DERL3: variants seen among roughly 807,000 people sequenced by gnomAD.
The protein encoded by DERL3 is derlin-3.
A neutral mutation model predicts 23.8 loss-of-function variants in DERL3; 20 were observed. That is an observed-to-expected ratio of 0.84 (90% CI 0.59 to 1.22). The LOEUF is 1.22. DERL3 is among the 50% of genes most tolerant of loss of function. The pLI is 0.00. For synonymous variants in DERL3, 145 were observed against 132.5 expected (o/e 1.09, Z -0.65); for missense variants, 319 against 304.1 (o/e 1.05, Z -0.36).
Position 23,836,892 on chromosome 22 carries a change from G to A in DERL3, c.685C>T (p.His229Tyr). Residue 229 changes from histidine to tyrosine, a missense_variant, in exon 7 of 7, where the codon CAT becomes TAT. His to Tyr is a moderately conservative substitution (Grantham distance 83). Coordinates refer to ENST00000318109, the MANE Select transcript of DERL3 (RefSeq NM_001002862.3). ...GGTCACTGCTGCGGGGGTGGCAGAT[G>A]GGGTCCTGGCTGTTCCTCAGGGAGG... ...LPLPEEQPGP[H>Y]LPPPQQ 1 of 1,484,240 alleles carries A rather than the reference G, an allele frequency of 6.7e-7. No individual in the cohort carries two copies. Among genetic ancestry groups the A allele is most frequent in the South Asian group, 1.4e-5 (1 of 71,404 alleles). 91.9% of individuals were successfully genotyped at this position (1,484,240 alleles called of 1,614,324 possible).
intron 4 of DERL3, 148 bp downstream of exon 4, chr22:23,838,204 G>A (rs764205675): frequency 2.6e-6 from 4 of 1,548,360 alleles, no homozygotes; most frequent in East Asian, 4.9e-5. Flanking sequence ...GACCCCTGCA[G>A]CTGAGCACAG....
At position 23,834,921 on chromosome 22, in the gene DERL3, C is replaced by T. The variant is rs770647244; in HGVS notation, c.*1948G>A. On this transcript the variant is annotated 3_prime_UTR_variant, in exon 7 of 7. Transcript: ENST00000318109. ...GCTACTGCCAGCTGGGGCCTTGCTG[C>T]TCTGAAGTCCCCTGCGGAGGGCCCA... 1.2e-6 allele frequency: 2 copies of T among 1,609,788 alleles called. No homozygotes were observed. The highest frequency in any genetic ancestry group is 2.2e-5 in the South Asian group (2 of 90,910).
chr22:23,836,791 G>A lies in DERL3; in HGVS notation c.*78C>T. 1 of 1,417,432 alleles carries A rather than the reference G, an allele frequency of 7.1e-7. No homozygotes were observed. The highest frequency in any genetic ancestry group is 2.7e-5 in the East Asian group (1 of 36,808). 87.8% of individuals were successfully genotyped at this position (1,417,432 alleles called of 1,614,324 possible). A position where few individuals can be genotyped will look rare whatever the true frequency, so the allele number is the denominator to read the frequency against. On this transcript the variant is annotated 3_prime_UTR_variant, in exon 7 of 7. Coordinates refer to ENST00000318109, the MANE Select transcript of DERL3 (RefSeq NM_001002862.3). The stretch of plus-strand genomic sequence containing the variant: ...TGCATGGGCCCAGCCTTTAGGATGG[G>A]TTTTTTCTGCCCCAAGTAGGGGTCA...
Position 23,834,736 on chromosome 22 carries a change from C to A in DERL3, c.*2133G>T. The A allele has an allele frequency of 6.8e-7, 1 of 1,477,620 alleles. No homozygotes were observed. The highest frequency in any genetic ancestry group is 9.0e-7 in the Non-Finnish European group (1 of 1,107,824). 91.5% of individuals were successfully genotyped at this position (1,477,620 alleles called of 1,614,324 possible). On this transcript the variant is annotated 3_prime_UTR_variant, in exon 7 of 7. Coordinates refer to ENST00000318109, the MANE Select transcript of DERL3 (RefSeq NM_001002862.3). ...CCCTCAGCCTGTTCTCCTTCCAGAC[C>A]CAGAGAGCTGAGAAGAGTAGCTGTG... is the stretch of plus-strand genomic sequence containing the variant.
In DERL3 at chr22:23,836,181, A is replaced by G; in HGVS notation, c.*688T>C. On this transcript the variant is annotated 3_prime_UTR_variant, in exon 7 of 7. Coordinates refer to ENST00000318109, the MANE Select transcript of DERL3 (RefSeq NM_001002862.3). ...CTCACCCAGTCTCAGAACTCTGCTA[A>G]GGTGAAAACTTAGGCTCTGAGGTCA... 1 of 985,462 alleles carries G rather than the reference A, an allele frequency of 1.0e-6. No homozygotes were observed. Among genetic ancestry groups the G allele is most frequent in the South Asian group, 4.7e-5 (1 of 21,290 alleles). 61.0% of individuals were successfully genotyped at this position (985,462 alleles called of 1,614,324 possible).
chr22:23,838,806 C>T (rs1177323184), intron 1 of DERL3, 30 bp from the exon 2 acceptor site: 1 of 1,551,124 alleles, frequency 6.4e-7, no homozygotes, highest in Non-Finnish European at 8.7e-7. Context: ...TCAAGAGCTG[C>T]CCGGGAGCCA....
In DERL3 at chr22:23,838,914, A is replaced by G. The variant is rs1346463406; in HGVS notation, c.74T>C (p.Val25Ala). ...GCTTACCACCGCGGCGGTGGTGAGG[A>G]CACAGGCTGCGGTGTAAGCCCGCGT... ...AVTRAYTAAC[V>A]LTTAAVQLEL... The change falls in exon 1 of 7, where the codon GTC becomes GCC. Residue 25 changes from valine (V) to alanine (A), a missense_variant. Val to Ala is a moderately conservative substitution (Grantham distance 64, BLOSUM62 0). Transcript: ENST00000318109. The G allele has an allele frequency of 6.4e-7, 1 of 1,572,440 alleles. No homozygotes were observed. The highest frequency in any genetic ancestry group is 1.9e-5 in the Admixed American group (1 of 53,448).
intron 5 of DERL3, 151 bp from the exon 6 acceptor site, chr22:23,837,305 G>T: frequency 9.5e-7 from 1 of 1,052,878 alleles, no homozygotes; most frequent in Non-Finnish European, 1.4e-6. Context: ...GCCAGCCCCG[G>T]GTTGGCCGTG....
chr22:23,835,292 T>A lies in DERL3; in HGVS notation c.*1577A>T, dbSNP rs2030956498. 1 of 1,054,620 alleles carries A rather than the reference T, an allele frequency of 9.5e-7. No homozygotes were observed. The highest frequency in any genetic ancestry group is 5.4e-5 in the Admixed American group (1 of 18,364). The allele number at this position is 1,054,620 out of a possible 1,614,324, so 65.3% of individuals were successfully genotyped here. A position where few individuals can be genotyped will look rare whatever the true frequency, so the allele number is the denominator to read the frequency against. ...GGATCTGGGAGGGCAGCAAACTGGC[T>A]CGCAGCTCCAGCCTTACTGAAGAGA... On this transcript the variant is annotated 3_prime_UTR_variant, in exon 7 of 7. Transcript: ENST00000318109.
chr22:23,838,003 C>T (rs951794949), intron 4 of DERL3, 149 bp from the exon 5 acceptor site: 9 of 1,252,334 alleles, frequency 7.2e-6, no homozygotes, highest in Non-Finnish European at 9.7e-6. Flanking sequence ...CGACACACTC[C>T]ACGGGCTTCA....
chr22:23,835,500 ATG>A lies in DERL3; in HGVS notation c.*1367_*1368del. Reference sequence around the variant, plus strand: ...GGGATTGGGGTTCTTGGTCGCTGAGATGTGAGAGGAGGGCTCCTTTGAGCACA... The same window carrying A: ...GGGATTGGGGTTCTTGGTCGCTGAGATGAGAGGAGGGCTCCTTTGAGCACA... On this transcript the variant is annotated 3_prime_UTR_variant, in exon 7 of 7. Coordinates refer to ENST00000318109, the MANE Select transcript of DERL3 (RefSeq NM_001002862.3). The A allele has an allele frequency of 1.0e-6, 1 of 985,634 alleles. No homozygotes were observed. Among genetic ancestry groups the A allele is most frequent in the Non-Finnish European group, 1.2e-6 (1 of 830,070 alleles). 61.1% of individuals were successfully genotyped at this position (985,634 alleles called of 1,614,324 possible).
chr22:23,837,063 C>T lies in DERL3; in HGVS notation c.614+1G>A. On this transcript the variant is annotated splice_donor_variant, in intron 6 of 6. Transcript: ENST00000318109. LOFTEE classifies it high-confidence loss of function. The stretch of plus-strand genomic sequence containing the variant: ...AGGGAGGGAGGGCTCTCAACACTCA[C>T]AGGAAGCCAGGGGTCTGCAGGAGCC... The T allele has an allele frequency of 6.2e-7, 1 of 1,613,768 alleles. No individual in the cohort carries two copies. Among genetic ancestry groups the T allele is most frequent in the Non-Finnish European group, 8.5e-7 (1 of 1,179,836 alleles).
chr22:23,834,655 A>G lies in DERL3; in HGVS notation c.*2214T>C, dbSNP rs2146048266. On this transcript the variant is annotated 3_prime_UTR_variant, in exon 7 of 7. Transcript: ENST00000318109. Reference sequence around the variant, plus strand: ...CACCCTCCTCTGCCTCAGATTCCCAAGTGGGCAGGTGGGGGTGAATGGGGC... The same window carrying G: ...CACCCTCCTCTGCCTCAGATTCCCAGGTGGGCAGGTGGGGGTGAATGGGGC... 1.1e-6 allele frequency: 1 copy of G among 946,298 alleles called. No individual in the cohort carries two copies. Among genetic ancestry groups the G allele is most frequent in the Admixed American group, 2.3e-5 (1 of 43,170 alleles). 58.6% of individuals were successfully genotyped at this position (946,298 alleles called of 1,614,324 possible).
Position 23,837,130 on chromosome 22 carries a change from T to C in DERL3, c.548A>G (p.Tyr183Cys). ...GTTGGGGAAGACGTCCTCCAGGAAG[T>C]AGTAGATATGGCCCACCGCAATCCC... The part of the protein sequence containing the change: ...LLGIAVGHIY[Y>C]FLEDVFPNQP... Residue 183 changes from tyrosine to cysteine, a missense_variant, in exon 6 of 7, where the codon TAC becomes TGC. Physicochemically the swap from Tyr to Cys is radical, Grantham distance 194. Coordinates refer to ENST00000318109, the MANE Select transcript of DERL3 (RefSeq NM_001002862.3). The C allele has an allele frequency of 6.2e-7, 1 of 1,613,702 alleles. No individual in the cohort carries two copies.
rs367854741 is a variant in DERL3, at chr22:23,835,860, GCCCT to G, written c.*1005_*1008del. 7.1e-3 allele frequency: 7,002 copies of G among 985,400 alleles called. 132 individuals carry two copies. In the South Asian group the frequency reaches 0.098, roughly 14 times the overall value. The allele number at this position is 985,400 out of a possible 1,614,324, so 61.0% of individuals were successfully genotyped here. A position where few individuals can be genotyped will look rare whatever the true frequency, so the allele number is the denominator to read the frequency against. ...GGCTGGGAGGTGCCGGGAAGGCTGGGCCCTCACTCCTGACCGCCAGCTCACACCG... is the reference window on the plus strand; with the variant it reads ...GGCTGGGAGGTGCCGGGAAGGCTGGGCACTCCTGACCGCCAGCTCACACCG... On this transcript the variant is annotated 3_prime_UTR_variant, in exon 7 of 7. Coordinates refer to ENST00000318109, the MANE Select transcript of DERL3 (RefSeq NM_001002862.3).
intron 4 of DERL3, 143 bp downstream of exon 4, chr22:23,838,209 G>A: frequency 6.5e-7 from 1 of 1,548,740 alleles, no homozygotes; most frequent in Non-Finnish European, 8.7e-7. Flanking sequence ...CTGCAGCTGA[G>A]CACAGAGTGG....
chr22:23,838,594 C>T lies in DERL3; in HGVS notation c.203G>A (p.Gly68Glu). 1 of 1,590,724 alleles carries T rather than the reference C, an allele frequency of 6.3e-7. No homozygotes were observed. Residue 68 changes from glycine (G) to glutamate (E), a missense_variant, in exon 3 of 7, where the codon GGA (glycine) becomes GAA (glutamate). Physicochemically the swap from Gly to Glu is moderately conservative, Grantham distance 98. Coordinates refer to ENST00000318109, the MANE Select transcript of DERL3 (RefSeq NM_001002862.3). ...GAGCATGTTGAAGAAGAAGCTGAAT[C>T]CCAGGGGCCCGAAGAAGAGGAAGTT... ...VTNFLFFGPL[G>E]FSFFFNMLFV...
chr22:23,836,108 C>T lies in DERL3; in HGVS notation c.*761G>A, dbSNP rs1011713932. 1.5e-5 allele frequency: 15 copies of T among 985,368 alleles called. No homozygotes were observed. The South Asian group carries it at 1.9e-4, about 12-fold the overall frequency. 61.0% of individuals were successfully genotyped at this position (985,368 alleles called of 1,614,324 possible). On this transcript the variant is annotated 3_prime_UTR_variant, in exon 7 of 7. Transcript: ENST00000318109. ...ACAGGGGTCGGATAAGGCTCACACA[C>T]GTCCTCAGCTAAAAAGGGCAGGAAC...
In DERL3 at chr22:23,837,139, T is replaced by C. The variant is rs554531445; in HGVS notation, c.539A>G (p.His180Arg). Residue 180 changes from histidine (H) to arginine (R), a missense_variant, in exon 6 of 7, where the codon CAT becomes CGT. Transcript: ENST00000318109. ...GACGTCCTCCAGGAAGTAGTAGATA[T>C]GGCCCACCGCAATCCCTGTGAGACA... ...LVDLLGIAVG[H>R]IYYFLEDVFP... 59 of 1,613,756 alleles carry C rather than the reference T, an allele frequency of 3.7e-5. No homozygotes were observed. In the South Asian group the frequency reaches 4.9e-4, roughly 14 times the overall value.
Sources: allele counts gnomAD v4.1 joint callset, GRCh38; gene constraint gnomAD v4.1.1; transcripts MANE v1.5; gene names NCBI Gene and HGNC (gene_info 2026-07-23, HGNC 2026-07-21).